The following NOC4L variants were observed in gnomAD, a reference collection of about 807,000 sequenced individuals.
The protein encoded by NOC4L is nucleolar complex protein 4 homolog.
In NOC4L, 40 loss-of-function variants were observed where a neutral mutation model predicts 62.8. The observed-to-expected ratio is 0.64, with a 90% CI of 0.49 to 0.83. NOC4L has a LOEUF of 0.83. NOC4L is among the 40% of genes least tolerant of loss of function. The pLI is 0.00. For missense variants in NOC4L, 927 were observed against 701.9 expected, an observed-to-expected ratio of 1.32 and a Z score of -3.62; for synonymous variants, 433 against 299.8, an observed-to-expected ratio of 1.44 and a Z score of -4.59.
Position 132,151,827 on chromosome 12 carries a change from G to T in NOC4L, c.1317+7G>T, listed in dbSNP as rs1872979137. 1.2e-6 allele frequency: 2 copies of T among 1,609,444 alleles called. No individual in the cohort carries two copies. Among genetic ancestry groups the T allele is most frequent in the African/African-American group, 1.3e-5 (1 of 74,858 alleles). ...CTCCCTGTGGGAGCTTCAGGTGAGG[G>T]CGCTGCTGCCACACCCTGGGGCCTC... On this transcript the variant is annotated splice_region_variant and intron_variant, in intron 13 of 14. Coordinates refer to ENST00000330579, the MANE Select transcript of NOC4L (RefSeq NM_024078.3).
intron 3 of NOC4L, chr12:132,146,151 C>T: frequency 2.3e-6 from 1 of 437,232 alleles, no homozygotes; most frequent in Non-Finnish European, 4.7e-6. Context: ...ACCATCGCTT[C>T]CATATCCCGC....
chr12:132,148,046 G>A, intron 6 of NOC4L, 26 bp from the exon 7 acceptor site: 2 of 1,613,504 alleles, frequency 1.2e-6, no homozygotes, highest in Non-Finnish European at 1.7e-6. Flanking sequence ...CGGGTCAGGT[G>A]ACCTTTGCCC....
chr12:132,148,924 A>G (rs1897845198), intron 9 of NOC4L, 29 bp downstream of exon 9: 1 of 760,772 alleles, frequency 1.3e-6, no homozygotes, highest in African/African-American at 2.0e-5. Context: ...CTCACACCAC[A>G]CCCCTAATCC....
At chr12:132,146,413 C>T (rs969675076) in intron 3 of NOC4L, 4 of 446,792 alleles carry the variant, frequency 9.0e-6, no homozygotes, top group Non-Finnish European at 1.8e-5. Context: ...CTGTTACGAA[C>T]AGCGGACTGT....
At chr12:132,148,735 C>CCGG in intron 8 of NOC4L, 49 bp from the exon 9 acceptor site, 1 of 1,309,292 alleles carries the variant, frequency 7.6e-7, no homozygotes, top group Non-Finnish European at 1.0e-6. Context: ...CCCGACCCGC[C>CCGG]GGCCCCCGCC....
rs140697665 is a variant in NOC4L, at chr12:132,152,170, G to A, written c.1404G>A (p.Ala468=). The change falls in exon 14 of 15, where the codon GCG becomes GCA. Residue 468 remains alanine (A), a synonymous_variant. Coordinates refer to ENST00000330579, the MANE Select transcript of NOC4L (RefSeq NM_024078.3). ...QALSMPEVSI[A]PLLELTAYEI... is the part of the protein sequence containing the mutation. Reference sequence around the variant, plus strand: ...TGTCCATGCCTGAGGTCAGCATCGCGCCACTGCTGGAGCTCACGGCCTACG... The same window carrying A: ...TGTCCATGCCTGAGGTCAGCATCGCACCACTGCTGGAGCTCACGGCCTACG... 1.7e-4 allele frequency: 278 copies of A among 1,611,958 alleles called. No individual in the cohort carries two copies. The highest frequency in any genetic ancestry group is 2.5e-4 in the East Asian group (11 of 44,890).
chr12:132,146,322 G>A (rs1345600325), intron 3 of NOC4L: 1 of 455,962 alleles, frequency 2.2e-6, no homozygotes, highest in Non-Finnish European at 4.4e-6. Context: ...TTGTGGCTGA[G>A]TAGCAGCGCG....
chr12:132,148,956 C>T (rs1180477226), intron 9 of NOC4L, 61 bp downstream of exon 9: 1 of 324,950 alleles, frequency 3.1e-6, no homozygotes, highest in East Asian at 3.9e-5. Flanking sequence ...GCCGCCGCCT[C>T]ACTCCTACCA....
rs146334196 is a variant in NOC4L, at chr12:132,152,451, A to C, written c.*50A>C. Reference sequence around the variant, plus strand: ...TCAGCTGACCCCAGCCCACCTGTGAATAAATGTTTTTGCAGGAGAAAGGCT... The same window carrying C: ...TCAGCTGACCCCAGCCCACCTGTGACTAAATGTTTTTGCAGGAGAAAGGCT... On this transcript the variant is annotated 3_prime_UTR_variant, in exon 15 of 15. Coordinates refer to ENST00000330579, the MANE Select transcript of NOC4L (RefSeq NM_024078.3). 6.4e-5 allele frequency: 98 copies of C among 1,522,410 alleles called. 1 individual carries two copies. In the African/African-American group the frequency reaches 1.2e-3, roughly 19 times the overall value. 94.3% of individuals were successfully genotyped at this position (1,522,410 alleles called of 1,614,324 possible).
intron 2 of NOC4L, 116 bp from the exon 3 acceptor site, chr12:132,145,443 C>G (rs533332966): frequency 1.5e-6 from 1 of 659,966 alleles, no homozygotes; most frequent in Non-Finnish European, 2.6e-6. Context: ...CTGTTTCCAC[C>G]TGCGGAGGCT....
In NOC4L at chr12:132,151,756, A is replaced by G. The variant is rs956278623; in HGVS notation, c.1253A>G (p.Tyr418Cys). The G allele has an allele frequency of 6.2e-7, 1 of 1,612,124 alleles. No homozygotes were observed. Among genetic ancestry groups the G allele is most frequent in the Non-Finnish European group, 8.5e-7 (1 of 1,179,786 alleles). The stretch of plus-strand genomic sequence containing the variant: ...TTCCTAGAGTTGGACGCCGACCCCT[A>G]CGACCCTGGAGAGGAGGACCCAGCC... ...PHGPELDADPYDPGEEDPAQS... is the reference protein window; with the variant it reads ...PHGPELDADPCDPGEEDPAQS... Residue 418 changes from tyrosine (Y) to cysteine (C), a missense_variant, in exon 13 of 15, where the codon TAC becomes TGC. Physicochemically the swap from Tyr to Cys is radical, Grantham distance 194. Transcript: ENST00000330579.
At chr12:132,150,818 A>C (rs1593431796) in intron 9 of NOC4L, 163 bp from the exon 10 acceptor site, 7 of 506,692 alleles carry the variant, frequency 1.4e-5, no homozygotes, top group East Asian at 3.2e-5. Flanking sequence ...TCCACCCCCC[A>C]CTCCCCTGCC....
At position 132,147,925 on chromosome 12, in the gene NOC4L, G is replaced by T. The variant is rs201466638; in HGVS notation, c.649G>T (p.Val217Leu). 6.2e-7 allele frequency: 1 copy of T among 1,602,750 alleles called. No homozygotes were observed. Among genetic ancestry groups the T allele is most frequent in the African/African-American group, 1.3e-5 (1 of 74,800 alleles). The change falls in exon 6 of 15, where the codon GTG becomes TTG. Residue 217 changes from valine to leucine, a missense_variant. Physicochemically the swap from Val to Leu is conservative, Grantham distance 32 (BLOSUM62 1). Transcript: ENST00000330579. ...CAATGCCTTCACGCTGCTGTCTGCC[G>T]TGAGCCTGCCCCGCCGGGAGCCCAC... ...WNNAFTLLSA[V>L]SLPRREPTVS...
Position 132,144,510 on chromosome 12 carries a change from G to C in NOC4L, c.22G>C (p.Ala8Pro). 6.6e-7 allele frequency: 1 copy of C among 1,519,530 alleles called. No homozygotes were observed. The highest frequency in any genetic ancestry group is 8.7e-7 in the Non-Finnish European group (1 of 1,143,904). The allele number at this position is 1,519,530 out of a possible 1,614,324, so 94.1% of individuals were successfully genotyped here. Residue 8 changes from alanine to proline, a missense_variant, in exon 1 of 15, where the codon GCG becomes CCG. Physicochemically the swap from Ala to Pro is conservative, Grantham distance 27 (BLOSUM62 -1). Transcript: ENST00000330579. MEREPGA[A>P]GVRRALGRRL... ...CGGCATGGAGCGGGAGCCGGGCGCC[G>C]CGGGAGTTCGCCGGGCTCTGGGCCG...
At chr12:132,146,305 G>A (rs556258280) in intron 3 of NOC4L, 131 of 456,020 alleles carry the variant, frequency 2.9e-4, no homozygotes, top group South Asian at 4.5e-4. Context: ...TTCGAAGTTC[G>A]TTCTCTTTGT....
chr12:132,151,451 C>T (rs767880326), intron 11 of NOC4L, 33 bp from the exon 12 acceptor site: 39 of 1,599,794 alleles, frequency 2.4e-5, no homozygotes, highest in Middle Eastern at 3.3e-4. Flanking sequence ...GCTAGCAGTC[C>T]GGGCCCTGTC....
At chr12:132,145,075 G>C in intron 2 of NOC4L, 101 bp downstream of exon 2, 1 of 1,446,346 alleles carries the variant, frequency 6.9e-7, no homozygotes, top group South Asian at 1.4e-5. Context: ...CACAGGCCGT[G>C]CAGGCTGGTG....
chr12:132,147,744 G>A lies in NOC4L; in HGVS notation c.565G>A (p.Val189Met), dbSNP rs780906260. The A allele has an allele frequency of 4.3e-6, 7 of 1,612,804 alleles. No homozygotes were observed. The highest frequency in any genetic ancestry group is 1.7e-5 in the Admixed American group (1 of 60,022). Reference sequence around the variant, plus strand: ...CCGCTACCACACCATGCAGGCAGCCGTGGATGCCGTGGCCCGGGTCACTGG... The same window carrying A: ...CCGCTACCACACCATGCAGGCAGCCATGGATGCCGTGGCCCGGGTCACTGG... Reference protein sequence around the residue: ...DTRYHTMQAAVDAVARVTGQH... With the variant: ...DTRYHTMQAAMDAVARVTGQH... Residue 189 changes from valine (V) to methionine (M), a missense_variant, in exon 5 of 15, where the codon GTG becomes ATG. By Grantham distance (21) the Val-to-Met change is conservative. Transcript: ENST00000330579.
intron 2 of NOC4L, 88 bp downstream of exon 2, chr12:132,145,062 T>C: frequency 6.8e-7 from 1 of 1,472,358 alleles, no homozygotes; most frequent in Non-Finnish European, 9.1e-7. Flanking sequence ...CCCCCAACCC[T>C]GGCACAGGCC....
Sources: gnomAD v4.1 joint callset for allele counts on GRCh38, gnomAD v4.1.1 for gene constraint, MANE v1.5 for transcripts, NCBI Gene and HGNC (gene_info 2026-07-23, HGNC 2026-07-21) for gene names.